Variants in DACH1 observed in about 807,000 individuals in gnomAD.
The protein encoded by DACH1 is dachshund family transcription factor 1, also known as dachshund homolog 1.
A neutral mutation model predicts 54.2 loss-of-function variants in DACH1; 12 were observed. The ratio of observed to expected loss-of-function variants is 0.22; its 90% confidence interval spans 0.14 to 0.36. The LOEUF (loss-of-function observed/expected upper bound fraction) is 0.36. Among genes scored for constraint, DACH1 ranks in the 10% least tolerant of loss-of-function variants. The probability of loss-of-function intolerance (pLI) is 1.00; values close to 1 mark genes in which losing one functional copy is unlikely to be tolerated. For synonymous variants in DACH1, 386 were observed against 366.2 expected (o/e 1.05, Z -0.62); for missense variants, 805 against 929.8 (o/e 0.87, Z 1.75).
intron 3 of DACH1, among the ~76,000 whole-genome samples, chr13:71,603,822 A>G (rs1874685545): frequency 6.6e-6 from 1 of 151,972 alleles, no homozygotes; most frequent in African/African-American, 2.4e-5. Context: ...TGTATGTGAT[A>G]CCGATATTAT....
intron 8 of DACH1, among the ~76,000 whole-genome samples, chr13:71,476,639 A>G (rs1877546471): frequency 6.6e-6 from 1 of 152,098 alleles, no homozygotes; most frequent in Admixed American, 6.5e-5. Flanking sequence ...AAAATAGATA[A>G]TACAAAAAGT....
At chr13:71,670,498 A>G (rs1418784179) in intron 2 of DACH1, among the ~76,000 whole-genome samples, 3 of 152,110 alleles carry the variant, frequency 2.0e-5, no homozygotes, top group Non-Finnish European at 4.4e-5. Context: ...ACAAGTCTAT[A>G]AAGAGAGTTC....
intron 7 of DACH1, among the ~76,000 whole-genome samples, chr13:71,487,099 C>A (rs1878597199): frequency 6.6e-6 from 1 of 152,116 alleles, no homozygotes; most frequent in South Asian, 2.1e-4. Context: ...GATCCACCTG[C>A]CTTGGCCTCC....
intron 6 of DACH1, among the ~76,000 whole-genome samples, chr13:71,539,217 C>T (rs1388685595): frequency 6.6e-6 from 1 of 151,990 alleles, no homozygotes; most frequent in Non-Finnish European, 1.5e-5. Flanking sequence ...TTTTTGTCAA[C>T]TCCTGTTTTG....
intron 1 of DACH1, among the ~76,000 whole-genome samples, chr13:71,693,604 CACCGCGCCCGG>C (rs1261964926): frequency 6.6e-6 from 1 of 151,774 alleles, no homozygotes; most frequent in African/African-American, 2.4e-5. Context: ...AGGCGTGAGC[CACCGCGCCCGG>C]CCTGGTTTTG....
chr13:71,469,578 A>G (rs1593742969), intron 10 of DACH1, among the ~76,000 whole-genome samples: 1 of 152,350 alleles, frequency 6.6e-6, no homozygotes, highest in East Asian at 1.9e-4. Context: ...ATAAACTCTT[A>G]GTGTGACTTT....
chr13:71,813,693 C>T (rs562413681), intron 1 of DACH1, among the ~76,000 whole-genome samples: 3 of 152,004 alleles, frequency 2.0e-5, no homozygotes, highest in Admixed American at 6.6e-5. Context: ...TTCACCTAGG[C>T]GAATATATAC....
chr13:71,799,052 TAA>T (rs1179006560), intron 1 of DACH1, among the ~76,000 whole-genome samples: 1 of 152,112 alleles, frequency 6.6e-6, no homozygotes, highest in African/African-American at 2.4e-5. Flanking sequence ...TTGAGGAAGC[TAA>T]AGTTTCCCCC....
intron 1 of DACH1, among the ~76,000 whole-genome samples, chr13:71,737,713 T>A (rs1884201962): frequency 6.6e-6 from 1 of 152,198 alleles, no homozygotes; most frequent in Admixed American, 6.5e-5. Context: ...TTTAGAAGAT[T>A]CATTTGTCCT....
chr13:71,587,482 TATA>T (rs1472460013), intron 3 of DACH1, among the ~76,000 whole-genome samples: 1 of 152,150 alleles, frequency 6.6e-6, no homozygotes, highest in East Asian at 1.9e-4. Context: ...TTATACGTTA[TATA>T]ATATTTGACT....
chr13:71,457,391 A>G (rs566213669), intron 10 of DACH1, among the ~76,000 whole-genome samples: 1 of 152,164 alleles, frequency 6.6e-6, no homozygotes, highest in African/African-American at 2.4e-5. Flanking sequence ...TGAATTATCT[A>G]ACATAACACT....
intron 1 of DACH1, among the ~76,000 whole-genome samples, chr13:71,851,664 T>C (rs1011017497): frequency 2.0e-5 from 3 of 152,102 alleles, no homozygotes; most frequent in African/African-American, 7.2e-5. Context: ...CCAAGTCCTG[T>C]CTTACTGCTT....
chr13:71,786,412 G>T (rs901931965), intron 1 of DACH1, among the ~76,000 whole-genome samples: 1 of 152,100 alleles, frequency 6.6e-6, no homozygotes, highest in African/African-American at 2.4e-5. Context: ...TTCATAGCCA[G>T]GCAGGTGAAG....
At chr13:71,702,514 A>G (rs1882190960) in intron 1 of DACH1, among the ~76,000 whole-genome samples, 1 of 152,142 alleles carries the variant, frequency 6.6e-6, no homozygotes, top group African/African-American at 2.4e-5. Context: ...CTTTAAATTT[A>G]TTTTTCCTCT....
intron 6 of DACH1, among the ~76,000 whole-genome samples, chr13:71,510,266 T>C (rs1880675442): frequency 6.6e-6 from 1 of 152,048 alleles, no homozygotes; most frequent in Non-Finnish European, 1.5e-5. Context: ...AATGATCTCA[T>C]TCAGACACAA....
At chr13:71,505,917 A>T (rs1423693778) in intron 6 of DACH1, among the ~76,000 whole-genome samples, 3 of 152,132 alleles carry the variant, frequency 2.0e-5, no homozygotes, top group Non-Finnish European at 4.4e-5. Flanking sequence ...ATTTAAAAAT[A>T]ATTAAAATAT....
rs879517301 is a variant in DACH1 at position 71,500,866 on chromosome 13, G to GT, written c.1571-11719dup. Among the ~76,000 whole-genome samples the GT allele has an allele frequency of 2.3e-3, 347 of 151,398 alleles. 2 individuals are homozygous for GT. The highest frequency in any genetic ancestry group is 5.1e-3 in the Admixed American group (77 of 15,152). The stretch of plus-strand genomic sequence containing the variant: ...AATCATAGAATCTACTTAAAAAGTG[G>GT]TTTTTTTTTAAATTAAGCCTGAATA... On this transcript the variant is annotated intron_variant, in intron 6 of 10. Coordinates refer to ENST00000613252, the MANE Select transcript of DACH1 (RefSeq NM_080759.6).
chr13:71,709,885 A>G (rs1882628111), intron 1 of DACH1, among the ~76,000 whole-genome samples: 1 of 152,122 alleles, frequency 6.6e-6, no homozygotes. Flanking sequence ...TGCCTCAAAG[A>G]GCAAAGTGCA....
intron 7 of DACH1, among the ~76,000 whole-genome samples, chr13:71,485,797 G>A (rs901966258): frequency 6.6e-6 from 1 of 150,914 alleles, no homozygotes; most frequent in Non-Finnish European, 1.5e-5. Flanking sequence ...TGGCCAGGAT[G>A]GTCTCAATCT....
Sources: allele counts gnomAD v4.1 joint callset (sites outside exome capture counted in the v4.1 genomes callset), GRCh38; gene constraint gnomAD v4.1.1; transcripts MANE v1.5; gene names NCBI Gene and HGNC (gene_info 2026-07-23, HGNC 2026-07-21).